Variants in CAPN15 observed in about 807,000 individuals in gnomAD.
CAPN15 encodes calpain-15.
In CAPN15, 53 loss-of-function variants were observed where a neutral mutation model predicts 97.9. The observed-to-expected ratio is 0.54, with a 90% CI of 0.43 to 0.68. The LOEUF (loss-of-function observed/expected upper bound fraction) is 0.68. Ranked by LOEUF, CAPN15 falls within the 30% of genes least tolerant of loss-of-function variation. The pLI is 0.00. For missense variants in CAPN15, 1,592 were observed against 1,589.8 expected, an observed-to-expected ratio of 1.00 and a Z score of -0.02; for synonymous variants, 922 against 722.5, an observed-to-expected ratio of 1.28 and a Z score of -4.43.
In CAPN15 at chr16:552,822, C is replaced by T. The variant is rs372357913; in HGVS notation, c.2905-41C>T. 6.4e-7 allele frequency: 1 copy of T among 1,560,444 alleles called. No individual in the cohort carries two copies. ...GGCGTGGGGCAGGGGGAGTATGCCC[C>T]AGCACCTCCCCTGCCCCACAACTGC... On this transcript the variant is annotated intron_variant, in intron 12 of 13. Transcript: ENST00000219611. The surrounding 1 kb of genome is among the most constrained non-coding windows in gnomAD (Gnocchi z 6.4).
In CAPN15 at chr16:546,993, G is replaced by T. The variant is rs1487254124; in HGVS notation, c.155G>T (p.Arg52Leu). ...SVEEQKWPCARCTFRNFLGKE... is the reference protein window; with the variant it reads ...SVEEQKWPCALCTFRNFLGKE... The stretch of plus-strand genomic sequence containing the variant: ...GAGGAGCAGAAATGGCCCTGCGCCC[G>T]CTGCACCTTCCGCAACTTCCTGGGC... Residue 52 changes from arginine to leucine, a missense_variant, in exon 4 of 14, where the codon CGC (arginine) becomes CTC (leucine). Physicochemically the swap from Arg to Leu is moderately radical, Grantham distance 102. Transcript: ENST00000219611. The T allele has an allele frequency of 1.9e-6, 3 of 1,610,120 alleles. No homozygotes were observed. In the East Asian group the frequency reaches 6.7e-5, roughly 36 times the overall value.
Position 551,508 on chromosome 16 carries a change from G to T in CAPN15, c.2193-4G>T. On this transcript the variant is annotated splice_polypyrimidine_tract_variant and splice_region_variant and intron_variant, in intron 8 of 13. Coordinates refer to ENST00000219611, the MANE Select transcript of CAPN15 (RefSeq NM_005632.3). The stretch of plus-strand genomic sequence containing the variant: ...GTTCAGATCCTCACCCCTGTGGTCT[G>T]CAGGCTTCTGCGGCTCCGAAACCCG... 1 of 1,608,886 alleles carries T rather than the reference G, an allele frequency of 6.2e-7. No homozygotes were observed. Among genetic ancestry groups the T allele is most frequent in the Non-Finnish European group, 8.5e-7 (1 of 1,176,938 alleles).
chr16:551,955 C>G, intron 9 of CAPN15, 96 bp from the exon 10 acceptor site: 2 of 1,327,254 alleles, frequency 1.5e-6, no homozygotes, highest in Non-Finnish European at 2.1e-6. Context: ...GCAGCTGGCA[C>G]CTGCTGGGGT....
intron 7 of CAPN15, 132 bp downstream of exon 7, chr16:549,970 C>T (rs1037251666): frequency 1.6e-5 from 11 of 708,342 alleles, no homozygotes; most frequent in Middle Eastern, 3.9e-4. Context: ...GCTGACCCCG[C>T]GTGGCCAGGC....
intron 1 of CAPN15, chr16:528,643 C>CT: frequency 3.6e-6 from 3 of 834,326 alleles, no homozygotes; most frequent in Non-Finnish European, 4.3e-6. Flanking sequence ...CGGGGGAACT[C>CT]TTGTGTGGTC....
intron 1 of CAPN15, among the ~76,000 whole-genome samples, chr16:531,933 T>C (rs2033291572): frequency 6.6e-6 from 1 of 152,134 alleles, no homozygotes; most frequent in African/African-American, 2.4e-5. Context: ...TCTGGTCCTT[T>C]TTTCCTGTTA....
rs1247866897 is a variant in CAPN15 at position 535,779 on chromosome 16, G to T, written c.-136-250G>T. 2.0e-5 allele frequency among the ~76,000 whole-genome samples: 3 copies of T among 152,236 alleles called. No individual in the cohort carries two copies. The highest frequency in any genetic ancestry group is 4.4e-5 in the Non-Finnish European group (3 of 68,004). On this transcript the variant is annotated intron_variant, in intron 2 of 13. Transcript: ENST00000219611. The surrounding 1 kb of genome is among the most constrained non-coding windows in gnomAD (Gnocchi z 6.2). ...TCACGGCTCCTGCTGGTTCCCATTC[G>T]CGAGCACCTGAAACAGCCTGGCCCA... is the stretch of plus-strand genomic sequence containing the variant.
Position 552,082 on chromosome 16 carries a change from C to T in CAPN15, c.2377C>T (p.His793Tyr). Residue 793 changes from histidine (H) to tyrosine (Y), a missense_variant, in exon 10 of 14, where the codon CAC becomes TAC. This residue lies in a region of CAPN15 where 644 missense variants were observed against 699.6 expected (regional missense o/e 0.92). Transcript: ENST00000219611. The surrounding 1 kb of genome is among the most constrained non-coding windows in gnomAD (Gnocchi z 6.4). ...YFDSVDICKVHSDWQEARVQG... is the reference protein window; with the variant it reads ...YFDSVDICKVYSDWQEARVQG... ...CGACTCCGTGGACATCTGTAAGGTG[C>T]ACTCGGACTGGCAGGAGGCGCGGGT... The T allele has an allele frequency of 6.5e-7, 1 of 1,549,268 alleles. No individual in the cohort carries two copies. Among genetic ancestry groups the T allele is most frequent in the South Asian group, 1.2e-5 (1 of 84,032 alleles).
Position 547,126 on chromosome 16 carries a change from GC to G in CAPN15, c.291del (p.Lys98ArgfsTer11). On this transcript the variant is annotated frameshift_variant, in exon 4 of 14. Transcript: ENST00000219611. LOFTEE classifies it high-confidence loss of function. ...LPKPPAILGEPKGSCQEEAGP... is the reference protein window; with the variant it reads ...LPKPPAILGEXKGSCQEEAGP... ...CCAAGCCACCCGCCATCCTGGGGGAGCCCAAGGGCAGCTGCCAGGAGGAAGC... is the reference window on the plus strand; with the variant it reads ...CCAAGCCACCCGCCATCCTGGGGGAGCCAAGGGCAGCTGCCAGGAGGAAGC... The G allele has an allele frequency of 6.4e-7, 1 of 1,566,528 alleles. No individual in the cohort carries two copies.
chr16:536,515 C>T (rs1361512478), intron 3 of CAPN15, among the ~76,000 whole-genome samples: 2 of 152,132 alleles, frequency 1.3e-5, no homozygotes, highest in Admixed American at 6.5e-5. Flanking sequence ...CTCCGCCTCC[C>T]GGATTCAGGC....
rs760709381 is a variant in CAPN15 at position 551,527 on chromosome 16, A to G, written c.2208A>G (p.Arg736=). ...TGGTCTGCAGGCTTCTGCGGCTCCG[A>G]AACCCGTGGGGCCGTTTCTCCTGGA... ...DVQGTRLLRL[R]NPWGRFSWNG... is the part of the protein sequence containing the mutation. The change falls in exon 9 of 14, where the codon CGA becomes CGG. Residue 736 remains arginine (R), a synonymous_variant. Coordinates refer to ENST00000219611, the MANE Select transcript of CAPN15 (RefSeq NM_005632.3). 1.2e-6 allele frequency: 2 copies of G among 1,610,446 alleles called. No individual in the cohort carries two copies. Among genetic ancestry groups the G allele is most frequent in the Admixed American group, 3.3e-5 (2 of 59,974 alleles).
chr16:552,676 T>C lies in CAPN15; in HGVS notation c.2809T>C (p.Ser937Pro). 6.5e-7 allele frequency: 1 copy of C among 1,543,654 alleles called. No individual in the cohort carries two copies. Among genetic ancestry groups the C allele is most frequent in the Middle Eastern group, 1.9e-4 (1 of 5,284 alleles). The part of the protein sequence containing the change: ...PPGHVLAVYS[S>P]RLVMVEPVEA... ...GGGCCACGTGCTGGCTGTGTACAGC[T>C]CGAGGCTGGTCATGGTGGAGCCCGT... The change falls in exon 12 of 14, where the codon TCG becomes CCG. Residue 937 changes from serine (S) to proline (P), a missense_variant. By Grantham distance (74) the Ser-to-Pro change is moderately conservative (BLOSUM62 -1). This residue lies in a region of CAPN15 where 644 missense variants were observed against 699.6 expected (regional missense o/e 0.92). Coordinates refer to ENST00000219611, the MANE Select transcript of CAPN15 (RefSeq NM_005632.3). This position sits in a 1 kb window ranked among gnomAD's most constrained non-coding sequence, Gnocchi z 6.4.
At chr16:542,731 G>A (rs2034205914) in intron 3 of CAPN15, among the ~76,000 whole-genome samples, 1 of 151,852 alleles carries the variant, frequency 6.6e-6, no homozygotes, top group Middle Eastern at 3.4e-3. Flanking sequence ...GGAACTACAG[G>A]CGTGCACCAC....
Position 552,046 on chromosome 16 carries a change from T to G in CAPN15, c.2346-5T>G, listed in dbSNP as rs7196821. ...CTCAGGGCCCCGTCCTCCCGCCACC[T>G]GCAGGTACTTCGACTCCGTGGACAT... On this transcript the variant is annotated splice_polypyrimidine_tract_variant and splice_region_variant and intron_variant, in intron 9 of 13. Coordinates refer to ENST00000219611, the MANE Select transcript of CAPN15 (RefSeq NM_005632.3). This position sits in a 1 kb window ranked among gnomAD's most constrained non-coding sequence, Gnocchi z 6.4. The G allele has an allele frequency of 3.2e-6, 5 of 1,547,912 alleles. No homozygotes were observed. Among genetic ancestry groups the G allele is most frequent in the Non-Finnish European group, 4.4e-6 (5 of 1,146,382 alleles).
chr16:544,718 TCGCCTCCCCCA>T (rs1567146012), intron 3 of CAPN15, among the ~76,000 whole-genome samples: 316 of 66,086 alleles, frequency 4.8e-3, no homozygotes, highest in Non-Finnish European at 5.9e-3. Flanking sequence ...CTCCCCCACG[TCGCCTCCCCCA>T]CGTCGCCTCC....
In CAPN15 at chr16:548,208, T is replaced by C. The variant is rs1230254811; in HGVS notation, c.1370T>C (p.Met457Thr). 7 of 1,548,588 alleles carry C rather than the reference T, an allele frequency of 4.5e-6. No homozygotes were observed. Among genetic ancestry groups the C allele is most frequent in the Non-Finnish European group, 5.2e-6 (6 of 1,147,946 alleles). ...GCGCCCCTGAGGCGCAGGGAGAGCA[T>C]GCACGTGGAGCAGCGGCGGCAGACA... ...GAAPLRRRESMHVEQRRQTDE... is the reference protein window; with the variant it reads ...GAAPLRRRESTHVEQRRQTDE... Residue 457 changes from methionine to threonine, a missense_variant, in exon 4 of 14, where the codon ATG (methionine) becomes ACG (threonine). Around this residue, in one of 3 missense-constraint regions of CAPN15, gnomAD observed 883 missense variants for 776.6 expected, o/e 1.14. Transcript: ENST00000219611.
chr16:543,991 T>C (rs956614569), intron 3 of CAPN15, among the ~76,000 whole-genome samples: 2 of 148,510 alleles, frequency 1.3e-5, no homozygotes, highest in African/African-American at 5.1e-5. Flanking sequence ...CATGCGGCCA[T>C]GCGGCCGGCG....
chr16:528,304 C>T (rs2032998252), intron 1 of CAPN15, among the ~76,000 whole-genome samples: 3 of 151,998 alleles, frequency 2.0e-5, no homozygotes, highest in Admixed American at 2.0e-4. Context: ...GGGACCTGGG[C>T]CATGTGGGTC....
chr16:543,129 GGC>G (rs766486007), intron 3 of CAPN15: 2 of 152,786 alleles, frequency 1.3e-5, no homozygotes, highest in Non-Finnish European at 2.9e-5. Context: ...CTCCAGCTTG[GGC>G]GACACAGTGA....
Sources: allele counts gnomAD v4.1 joint callset (sites outside exome capture counted in the v4.1 genomes callset), GRCh38; gene constraint gnomAD v4.1.1; regional missense constraint gnomAD v4.1.1; non-coding constraint Gnocchi (gnomAD v3.1); transcripts MANE v1.5; gene names NCBI Gene and HGNC (gene_info 2026-07-23, HGNC 2026-07-21).